CASZ1: variants seen among roughly 807,000 people sequenced by gnomAD.
CASZ1 encodes the protein castor zinc finger 1, also known as zinc finger protein castor homolog 1.
Under a neutral mutation model 135.2 loss-of-function variants are expected in CASZ1, and 28 were observed. The ratio of observed to expected loss-of-function variants is 0.21; its 90% CI spans 0.15 to 0.28. The LOEUF (loss-of-function observed/expected upper bound fraction) is 0.28, where lower values mean the gene tolerates loss of function less well. CASZ1 is among the 10% of genes least tolerant of loss of function. The pLI is 1.00. For missense variants in CASZ1, 2,161 were observed against 2,453.3 expected (o/e 0.88, Z 2.52); for synonymous variants, 1,068 against 1,073.4 (o/e 0.99, Z 0.10).
chr1:10,705,241 A>G (rs1639147284), intron 3 of CASZ1, among the ~76,000 whole-genome samples: 1 of 152,192 alleles, frequency 6.6e-6, no homozygotes, highest in Non-Finnish European at 1.5e-5. Context: ...TCCTTCCCCA[A>G]AGTCTGCAAT....
In CASZ1 at chr1:10,654,436, G is replaced by A. The variant is rs749760688; in HGVS notation, c.1821C>T (p.Thr607=). Reference sequence around the variant, plus strand: ...CCGCTTACCTGCAGTGGAAGTGCGTGGTCTTCTGTCCGTAGAACTGGCAGT... The same window carrying A: ...CCGCTTACCTGCAGTGGAAGTGCGTAGTCTTCTGTCCGTAGAACTGGCAGT... ...TADCQFYGQK[T]THFHCRRPGC... is the part of the protein sequence containing the mutation. Residue 607 remains threonine (T), a synonymous_variant, in exon 10 of 21, where the codon ACC becomes ACT. Coordinates refer to ENST00000377022, the MANE Select transcript of CASZ1 (RefSeq NM_001079843.3). 11 of 1,613,958 alleles carry A rather than the reference G, an allele frequency of 6.8e-6. No homozygotes were observed. Among genetic ancestry groups the A allele is most frequent in the African/African-American group, 6.7e-5 (5 of 74,924 alleles).
chr1:10,773,554 G>A (rs74591306), intron 1 of CASZ1, among the ~76,000 whole-genome samples: 1,901 of 152,158 alleles, frequency 0.012, 42 homozygotes, highest in African/African-American at 0.041. Context: ...CACGCACCCC[G>A]GGGACTGAAC....
Position 10,655,683 on chromosome 1 carries a change from A to C in CASZ1, c.1631T>G (p.Leu544Arg), listed in dbSNP as rs1295162217. 1 of 1,613,794 alleles carries C rather than the reference A, an allele frequency of 6.2e-7. No homozygotes were observed. The highest frequency in any genetic ancestry group is 8.5e-7 in the Non-Finnish European group (1 of 1,179,894). The change falls in exon 9 of 21, where the codon CTC (leucine) becomes CGC (arginine). Residue 544 changes from leucine to arginine, a missense_variant. This residue lies in a region of CASZ1 where 248 missense variants were observed against 410.8 expected (regional missense o/e 0.60). Coordinates refer to ENST00000377022, the MANE Select transcript of CASZ1 (RefSeq NM_001079843.3). ...DCSVYYHGCH[L>R]NGKSTHYHCM... is the part of the protein sequence containing the mutation. ...GTGATAGTGGGTGCTCTTCCCATTG[A>C]GGTGGCAGCCGTGGTAGTAGACGCT...
chr1:10,639,479 C>T lies in CASZ1; in HGVS notation c.4743G>A (p.Thr1581=). 6.2e-7 allele frequency: 1 copy of T among 1,609,660 alleles called. No homozygotes were observed. The highest frequency in any genetic ancestry group is 1.1e-5 in the South Asian group (1 of 90,488). ...FHCTFPGCRH[T]VVGMSQMDSH... The stretch of plus-strand genomic sequence containing the variant: ...AGTCCATCTGCGACATGCCCACCAC[C>T]GTGTGGCGGCAGCCCGGGAAGGTGC... The change falls in exon 21 of 21, where the codon ACG becomes ACA. Residue 1581 remains threonine (T), a synonymous_variant. Coordinates refer to ENST00000377022, the MANE Select transcript of CASZ1 (RefSeq NM_001079843.3). The surrounding 1 kb of genome is among the most constrained non-coding windows in gnomAD (Gnocchi z 4.0).
rs1334861611 is a variant in CASZ1 at position 10,777,967 on chromosome 1, A to C, written c.-233-17110T>G. 6.6e-6 allele frequency among the ~76,000 whole-genome samples: 1 copy of C among 152,038 alleles called. No homozygotes were observed. The highest frequency in any genetic ancestry group is 1.5e-5 in the Non-Finnish European group (1 of 68,004). ...CTATGTCACAACCACATACAATCTC[A>C]TACGCAATCGCATACACAATCTCAT... On this transcript the variant is annotated intron_variant, in intron 1 of 20. Coordinates refer to ENST00000377022, the MANE Select transcript of CASZ1 (RefSeq NM_001079843.3). This position sits in a 1 kb window ranked among gnomAD's most constrained non-coding sequence, Gnocchi z 4.4.
At chr1:10,746,465 TAGG>T (rs1471693911) in intron 2 of CASZ1, among the ~76,000 whole-genome samples, 3 of 152,250 alleles carry the variant, frequency 2.0e-5, no homozygotes, top group South Asian at 4.1e-4. Context: ...AAAATGAAAG[TAGG>T]AGAAGCTCCC....
chr1:10,667,522 C>T (rs1161997058), intron 4 of CASZ1, among the ~76,000 whole-genome samples: 1 of 152,170 alleles, frequency 6.6e-6, no homozygotes, highest in African/African-American at 2.4e-5. Context: ...GGGGCCTCCT[C>T]TTCACAGCAT....
intron 4 of CASZ1, among the ~76,000 whole-genome samples, chr1:10,672,550 C>A (rs1255601809): frequency 6.8e-6 from 1 of 148,034 alleles, no homozygotes; most frequent in African/African-American, 2.5e-5. Flanking sequence ...AAATTGTTTT[C>A]TTTTCCACAT....
chr1:10,649,451 A>C lies in CASZ1; in HGVS notation c.2881-14T>G. The C allele has an allele frequency of 6.3e-7, 1 of 1,599,170 alleles. No individual in the cohort carries two copies. Among genetic ancestry groups the C allele is most frequent in the South Asian group, 1.1e-5 (1 of 89,712 alleles). On this transcript the variant is annotated splice_polypyrimidine_tract_variant and intron_variant, in intron 13 of 20. Transcript: ENST00000377022. ...GCCCTGAGACATCTGTGAGGGACAG[A>C]GGCCGAGCATGGGGCTGGGGTAGCT...
intron 4 of CASZ1, among the ~76,000 whole-genome samples, chr1:10,669,463 C>T (rs1038660785): frequency 2.6e-5 from 4 of 152,190 alleles, no homozygotes; most frequent in South Asian, 2.1e-4. Context: ...TCAAATCAGC[C>T]GGCTTCAGAA....
chr1:10,769,677 C>T lies in CASZ1; in HGVS notation c.-233-8820G>A, dbSNP rs151235481. On this transcript the variant is annotated intron_variant, in intron 1 of 20. Transcript: ENST00000377022. The stretch of plus-strand genomic sequence containing the variant: ...GATTACAGGTGCGCACCACCACACC[C>T]GGCTAATTTTTGTATTTTTAGTAGA... Among the ~76,000 whole-genome samples the T allele has an allele frequency of 3.7e-3, 561 of 152,110 alleles. 3 individuals carry two copies. Among genetic ancestry groups the T allele is most frequent in the African/African-American group, 0.011 (476 of 41,480 alleles).
chr1:10,688,516 C>T (rs1019200453), intron 4 of CASZ1, among the ~76,000 whole-genome samples: 1 of 152,172 alleles, frequency 6.6e-6, no homozygotes, highest in Non-Finnish European at 1.5e-5. Flanking sequence ...CTTAAGGCCA[C>T]TCTTTCACAA....
rs1323313321 is a variant in CASZ1, at chr1:10,647,735, C to G, written c.3497+66G>C. ...AGTGAGGAACAGGGCCTCCTAGCGC[C>G]CTTGCTAGCACCTACTCCCGAGACG... On this transcript the variant is annotated intron_variant, in intron 16 of 20. Coordinates refer to ENST00000377022, the MANE Select transcript of CASZ1 (RefSeq NM_001079843.3). This position sits in a 1 kb window ranked among gnomAD's most constrained non-coding sequence, Gnocchi z 4.9. 3 of 1,603,484 alleles carry G rather than the reference C, an allele frequency of 1.9e-6. No individual in the cohort carries two copies. Among genetic ancestry groups the G allele is most frequent in the East Asian group, 4.5e-5 (2 of 44,870 alleles).
intron 1 of CASZ1, among the ~76,000 whole-genome samples, chr1:10,769,193 G>A (rs933149885): frequency 2.5e-4 from 38 of 152,248 alleles, no homozygotes; most frequent in African/African-American, 8.7e-4. Flanking sequence ...ATTCAGCCAC[G>A]CTATGGACCA....
At chr1:10,765,504 C>T (rs752677155) in intron 1 of CASZ1, among the ~76,000 whole-genome samples, 5 of 152,140 alleles carry the variant, frequency 3.3e-5, no homozygotes, top group East Asian at 1.9e-4. Flanking sequence ...ACACGGCCCA[C>T]GACGGGTACG....
chr1:10,674,761 T>C (rs114683774), intron 4 of CASZ1, among the ~76,000 whole-genome samples: 3,497 of 152,296 alleles, frequency 0.023, 147 homozygotes, highest in African/African-American at 0.075. Context: ...GTGGCCCTGC[T>C]CACCTCTGCC....
rs1317896192 is a variant in CASZ1 at position 10,639,679 on chromosome 1, A to G, written c.4543T>C (p.Phe1515Leu). The G allele has an allele frequency of 6.3e-7, 1 of 1,599,892 alleles. No homozygotes were observed. The highest frequency in any genetic ancestry group is 2.3e-5 in the East Asian group (1 of 44,382). Residue 1515 changes from phenylalanine (F) to leucine (L), a missense_variant, in exon 21 of 21, where the codon TTC becomes CTC. Physicochemically the swap from Phe to Leu is conservative, Grantham distance 22 (BLOSUM62 0). Transcript: ENST00000377022. The surrounding 1 kb of genome is among the most constrained non-coding windows in gnomAD (Gnocchi z 4.0). ...DCPFSGTSTH[F>L]HCLRCRFRCT... ...CGGAAGCGGCAGCGCAGGCAGTGGA[A>G]GTGCGTGCTGGTGCCCGAGAAGGGG... is the stretch of plus-strand genomic sequence containing the variant.
rs1409880245 is a variant in CASZ1 at position 10,636,984 on chromosome 1, T to TC, written c.*1957dup. On this transcript the variant is annotated 3_prime_UTR_variant, in exon 21 of 21. Transcript: ENST00000377022. ...GAGCATTGGTGGATCAAGCATTGTT[T>TC]CCCCACAGAAAGAAAATAAAACAAA... The TC allele has an allele frequency of 6.6e-6, 1 of 152,330 alleles. No homozygotes were observed. Among genetic ancestry groups the TC allele is most frequent in the South Asian group, 2.1e-4 (1 of 4,826 alleles). 9.4% of individuals were successfully genotyped at this position (152,330 alleles called of 1,614,324 possible).
chr1:10,682,007 A>G (rs981612123), intron 4 of CASZ1, among the ~76,000 whole-genome samples: 8 of 152,082 alleles, frequency 5.3e-5, no homozygotes, highest in Non-Finnish European at 2.9e-5. Context: ...AAATCCTGCA[A>G]CTGTTTGCAG....
Sources: gnomAD v4.1 joint callset for allele counts (sites outside exome capture counted in the v4.1 genomes callset) on GRCh38, gnomAD v4.1.1 for gene constraint, gnomAD v4.1.1 regional missense constraint, Gnocchi (gnomAD v3.1) non-coding constraint, MANE v1.5 for transcripts, NCBI Gene and HGNC (gene_info 2026-07-23, HGNC 2026-07-21) for gene names.